Variants in GRM8 observed in about 807,000 individuals in gnomAD.
GRM8 encodes metabotropic glutamate receptor 8.
A neutral mutation model predicts 87.2 loss-of-function variants in GRM8; 47 were observed. The ratio of observed to expected loss-of-function variants is 0.54; its 90% CI spans 0.43 to 0.69. GRM8 has a LOEUF of 0.69. GRM8 is among the 30% of genes least tolerant of loss of function. The pLI, the probability that GRM8 is intolerant of heterozygous loss-of-function variation, is 0.00. For synonymous variants in GRM8, 396 were observed against 404.5 expected, an observed-to-expected ratio of 0.98 and a Z score of 0.25; for missense variants, 1,019 against 1,139.2, an observed-to-expected ratio of 0.89 and a Z score of 1.52.
chr7:127,010,173 T>C (rs1442076517), intron 3 of GRM8, among the ~76,000 whole-genome samples: 1 of 152,174 alleles, frequency 6.6e-6, no homozygotes, highest in African/African-American at 2.4e-5. Context: ...ACTTCTCTAA[T>C]ATTTGCCAAA....
At chr7:126,613,233 G>A (rs921560194) in intron 7 of GRM8, among the ~76,000 whole-genome samples, 3 of 152,080 alleles carry the variant, frequency 2.0e-5, no homozygotes, top group East Asian at 1.9e-4. Context: ...TTTTAAAAAT[G>A]TCATTGTTTG....
chr7:126,598,215 G>A (rs562398167), intron 8 of GRM8, among the ~76,000 whole-genome samples: 2 of 52,910 alleles, frequency 3.8e-5, no homozygotes, highest in Non-Finnish European at 6.9e-5. Flanking sequence ...AATTCTTGTG[G>A]TTTTTTCCTA....
At chr7:126,582,369 A>G (rs781747513) in intron 8 of GRM8, among the ~76,000 whole-genome samples, 3 of 152,204 alleles carry the variant, frequency 2.0e-5, no homozygotes, top group Admixed American at 2.0e-4. Context: ...AAGAAGCTGC[A>G]TAAGAAAAGC....
intron 3 of GRM8, among the ~76,000 whole-genome samples, chr7:127,094,282 C>A (rs1036652769): frequency 6.6e-5 from 10 of 152,138 alleles, no homozygotes; most frequent in Admixed American, 5.2e-4. Flanking sequence ...TTCTTTGGGG[C>A]TGAGCATGGG....
chr7:126,457,261 G>T (rs1803365540), intron 9 of GRM8, among the ~76,000 whole-genome samples: 1 of 151,222 alleles, frequency 6.6e-6, no homozygotes, highest in Non-Finnish European at 1.5e-5. Flanking sequence ...AATTCAGAAA[G>T]AAATTATTGG....
rs1030745096 is a variant in GRM8 at position 126,935,223 on chromosome 7, T to C, written c.728-30540A>G. 3.9e-5 allele frequency among the ~76,000 whole-genome samples: 6 copies of C among 152,300 alleles called. No individual in the cohort carries two copies. The South Asian group carries it at 1.2e-3, about 32-fold the overall frequency. On this transcript the variant is annotated intron_variant, in intron 3 of 10. Coordinates refer to ENST00000339582, the MANE Select transcript of GRM8 (RefSeq NM_000845.3). ...AGCATGAAACTACAGAGAGGCATCA[T>C]GTTTGTGTAGATCACTTTAGGGTAC...
intron 2 of GRM8, among the ~76,000 whole-genome samples, chr7:127,204,926 T>G (rs948889624): frequency 3.9e-5 from 6 of 152,204 alleles, no homozygotes; most frequent in African/African-American, 1.4e-4. Context: ...ATGGCTTCAT[T>G]TCCATTCCCC....
chr7:126,636,571 AGATGCAGAATCCATG>A (rs1801876306), intron 7 of GRM8, among the ~76,000 whole-genome samples: 1 of 152,130 alleles, frequency 6.6e-6, no homozygotes, highest in Non-Finnish European at 1.5e-5. Flanking sequence ...TTGAATCTAC[AGATGCAGAATCCATG>A]GATACCAACG....
At chr7:126,962,521 G>A (rs988244205) in intron 3 of GRM8, among the ~76,000 whole-genome samples, 1 of 152,176 alleles carries the variant, frequency 6.6e-6, no homozygotes, top group Non-Finnish European at 1.5e-5. Context: ...TTAAACATTT[G>A]ATTTGTATTA....
intron 3 of GRM8, among the ~76,000 whole-genome samples, chr7:127,071,021 T>G (rs1052795539): frequency 1.3e-5 from 2 of 152,150 alleles, no homozygotes; most frequent in Non-Finnish European, 2.9e-5. Flanking sequence ...ACCTTCCAAA[T>G]CGTCTAGCTA....
intron 6 of GRM8, among the ~76,000 whole-genome samples, chr7:126,775,486 T>TG (rs1392639144): frequency 1.7e-5 from 1 of 59,664 alleles, no homozygotes; most frequent in Non-Finnish European, 5.2e-5. Flanking sequence ...TAGGTTTTTT[T>TG]TTTTTTTTTT....
At chr7:126,561,128 C>T (rs536056264) in intron 8 of GRM8, among the ~76,000 whole-genome samples, 2 of 152,202 alleles carry the variant, frequency 1.3e-5, no homozygotes, top group South Asian at 4.1e-4. Context: ...ACCATAATTG[C>T]CATTATTGGC....
At chr7:126,786,230 C>T (rs1241437538) in intron 6 of GRM8, among the ~76,000 whole-genome samples, 1 of 152,170 alleles carries the variant, frequency 6.6e-6, no homozygotes, top group Non-Finnish European at 1.5e-5. Flanking sequence ...ACACAAGTCA[C>T]TTAAGATTCA....
In GRM8 at chr7:126,597,458, A is replaced by G. The variant is rs551360118; in HGVS notation, c.1494+11904T>C. Among the ~76,000 whole-genome samples the G allele has an allele frequency of 1.2e-4, 19 of 152,198 alleles. No homozygotes were observed. The South Asian group carries it at 3.5e-3, about 28-fold the overall frequency. ...GGATACAGGATTCACATGTAAATCT[A>G]CCACAATAAAATGACTTTTTACCAG... On this transcript the variant is annotated intron_variant, in intron 8 of 10. Coordinates refer to ENST00000339582, the MANE Select transcript of GRM8 (RefSeq NM_000845.3).
intron 2 of GRM8, among the ~76,000 whole-genome samples, chr7:127,120,768 C>T (rs1415698204): frequency 1.3e-5 from 2 of 152,298 alleles, no homozygotes; most frequent in Admixed American, 1.3e-4. Flanking sequence ...ATGCCTTGAA[C>T]ATTATGTTCA....
chr7:126,819,117 C>T (rs1794059074), intron 6 of GRM8, among the ~76,000 whole-genome samples: 1 of 152,142 alleles, frequency 6.6e-6, no homozygotes, highest in Admixed American at 6.6e-5. Flanking sequence ...CTTAACTGAA[C>T]AGGAGATCTG....
At chr7:126,470,340 CT>C (rs1298338398) in intron 9 of GRM8, among the ~76,000 whole-genome samples, 3 of 105,966 alleles carry the variant, frequency 2.8e-5, no homozygotes, top group Admixed American at 1.2e-4. Context: ...TCCCTCCCCC[CT>C]CCCCCCACCC....
chr7:126,473,660 G>A (rs1805566074), intron 9 of GRM8, among the ~76,000 whole-genome samples: 1 of 152,138 alleles, frequency 6.6e-6, no homozygotes, highest in Non-Finnish European at 1.5e-5. Context: ...TGAGATTTGT[G>A]AGGGGCCAGC....
rs185563662 is a variant in GRM8, at chr7:126,947,268, T to G, written c.728-42585A>C. Among the ~76,000 whole-genome samples the G allele has an allele frequency of 5.9e-5, 9 of 152,366 alleles. No homozygotes were observed. In the East Asian group the frequency reaches 1.7e-3, roughly 29 times the overall value. ...ATAAAGAGTAATCAAAGGTGTTTAA[T>G]ATGTCATTAAGTATTCTCCGTACTG... On this transcript the variant is annotated intron_variant, in intron 3 of 10. Transcript: ENST00000339582.
Sources: allele counts gnomAD v4.1 joint callset (sites outside exome capture counted in the v4.1 genomes callset), GRCh38; gene constraint gnomAD v4.1.1; transcripts MANE v1.5; gene names NCBI Gene and HGNC (gene_info 2026-07-23, HGNC 2026-07-21).